SHANK2: variants seen among roughly 807,000 people sequenced by gnomAD.
The protein encoded by SHANK2 is SH3 and multiple ankyrin repeat domains protein 2.
In SHANK2, 43 loss-of-function variants were observed where a neutral mutation model predicts 133.7. That is an observed-to-expected ratio of 0.32 (90% CI 0.25 to 0.41). SHANK2 has a LOEUF of 0.41. Ranked by LOEUF, SHANK2 falls within the 10% of genes least tolerant of loss-of-function variation. The pLI is 1.00. For missense variants in SHANK2, 1,994 were observed against 2,235.8 expected, an observed-to-expected ratio of 0.89 and a Z score of 2.18; for synonymous variants, 1,017 against 952.8, an observed-to-expected ratio of 1.07 and a Z score of -1.24.
chr11:70,514,109 G>C (rs1213788806), intron 17 of SHANK2, among the ~76,000 whole-genome samples: 1 of 152,126 alleles, frequency 6.6e-6, no homozygotes, highest in Non-Finnish European at 1.5e-5. Context: ...GACAAGGTGA[G>C]AATCTTAAAG....
At chr11:70,690,722 C>T (rs1025506200) in intron 15 of SHANK2, among the ~76,000 whole-genome samples, 1 of 103,574 alleles carries the variant, frequency 9.7e-6, no homozygotes, top group Non-Finnish European at 2.2e-5. Flanking sequence ...TATAAATATA[C>T]CAAAGGGTCG....
chr11:70,818,031 G>A (rs1290175330), intron 12 of SHANK2, among the ~76,000 whole-genome samples: 1 of 152,172 alleles, frequency 6.6e-6, no homozygotes, highest in East Asian at 1.9e-4. Context: ...TACCGCACCT[G>A]GTCCCTTGTT....
chr11:70,490,434 C>G (rs782588738), intron 22 of SHANK2, 47 bp from the exon 23 acceptor site: 1 of 1,501,968 alleles, frequency 6.7e-7, no homozygotes, highest in African/African-American at 1.4e-5. Flanking sequence ...GGCCAGCCCC[C>G]ACCCACGGTC....
At chr11:71,207,484 T>G (rs1182605965) in intron 2 of SHANK2, among the ~76,000 whole-genome samples, 5 of 152,186 alleles carry the variant, frequency 3.3e-5, no homozygotes, top group African/African-American at 1.2e-4. Flanking sequence ...CCGGCCCATT[T>G]TAAATTTTAT....
At chr11:70,595,402 G>A (rs782756908) in intron 17 of SHANK2, among the ~76,000 whole-genome samples, 2 of 152,234 alleles carry the variant, frequency 1.3e-5, no homozygotes, top group Non-Finnish European at 2.9e-5. Context: ...TTTATAAAGC[G>A]ACTGAGGCTT....
At chr11:71,116,773 G>A (rs1951987315) in intron 4 of SHANK2, among the ~76,000 whole-genome samples, 1 of 152,154 alleles carries the variant, frequency 6.6e-6, no homozygotes, top group Non-Finnish European at 1.5e-5. Flanking sequence ...GAATGGCCTG[G>A]AGCCCTCCCC....
chr11:70,928,708 A>AG (rs1950462708), intron 10 of SHANK2, among the ~76,000 whole-genome samples: 1 of 152,084 alleles, frequency 6.6e-6, no homozygotes, highest in South Asian at 2.1e-4. Context: ...GGACCAAGGG[A>AG]GAAAAACTTG....
chr11:70,752,286 G>C (rs1240956675), intron 14 of SHANK2, among the ~76,000 whole-genome samples: 1 of 151,948 alleles, frequency 6.6e-6, no homozygotes, highest in East Asian at 1.9e-4. Flanking sequence ...ACAACATAGG[G>C]AGGTTAAAAA....
At chr11:71,122,408 A>G (rs1403342714) in intron 3 of SHANK2, among the ~76,000 whole-genome samples, 3 of 152,196 alleles carry the variant, frequency 2.0e-5, no homozygotes, top group Non-Finnish European at 4.4e-5. Context: ...AGAAAACCAA[A>G]CACTGCATGT....
intron 3 of SHANK2, among the ~76,000 whole-genome samples, chr11:71,131,981 C>A (rs1168183560): frequency 6.6e-6 from 1 of 152,154 alleles, no homozygotes; most frequent in Non-Finnish European, 1.5e-5. Context: ...TCCCCGAGGC[C>A]GAGCTAATGA....
chr11:71,211,733 T>G (rs1299981445), intron 2 of SHANK2, among the ~76,000 whole-genome samples: 2 of 151,970 alleles, frequency 1.3e-5, no homozygotes, highest in Non-Finnish European at 2.9e-5. Flanking sequence ...CAACCACTAA[T>G]TATTTTCTCT....
intron 17 of SHANK2, among the ~76,000 whole-genome samples, chr11:70,611,997 G>A (rs2060664456): frequency 1.3e-5 from 2 of 152,076 alleles, no homozygotes; most frequent in South Asian, 4.2e-4. Context: ...TGAACACTGG[G>A]AAGGCATCAC....
chr11:70,950,843 G>T (rs112176292), intron 10 of SHANK2, among the ~76,000 whole-genome samples: 9,576 of 151,652 alleles, frequency 0.063, 1,017 homozygotes, highest in African/African-American at 0.22. Context: ...TTTTGTTTTG[G>T]TTTTTTTGTA....
intron 23 of SHANK2, 142 bp from the exon 24 acceptor site, chr11:70,489,490 G>T: frequency 1.2e-6 from 1 of 807,160 alleles, no homozygotes; most frequent in Non-Finnish European, 2.2e-6. Flanking sequence ...ACTGCCTACA[G>T]TTATCCACCT....
At position 71,216,447 on chromosome 11, in the gene SHANK2, C is replaced by T. The variant is rs59173789; in HGVS notation, c.-13+8250G>A. Reference sequence around the variant, plus strand: ...TAGAGATGAAATGGAGATTTGTGGTCGCCAGGGCCGGAGGTGATTGGTTAG... The same window carrying T: ...TAGAGATGAAATGGAGATTTGTGGTTGCCAGGGCCGGAGGTGATTGGTTAG... On this transcript the variant is annotated intron_variant, in intron 2 of 25. Coordinates refer to ENST00000601538, the MANE Select transcript of SHANK2 (RefSeq NM_012309.5). Among the ~76,000 whole-genome samples, 1,514 of 152,074 alleles carry T rather than the reference C, an allele frequency of 1.0e-2. 27 individuals are homozygous for T. The highest frequency in any genetic ancestry group is 0.035 in the African/African-American group (1,447 of 41,452).
At chr11:70,525,303 C>T (rs1400484409) in intron 17 of SHANK2, among the ~76,000 whole-genome samples, 3 of 152,218 alleles carry the variant, frequency 2.0e-5, no homozygotes, top group Non-Finnish European at 2.9e-5. Flanking sequence ...AGCTAGGTCA[C>T]TTCTGTTAGC....
intron 14 of SHANK2, among the ~76,000 whole-genome samples, chr11:70,725,060 G>A (rs572631134): frequency 6.6e-6 from 1 of 152,166 alleles, no homozygotes; most frequent in Non-Finnish European, 1.5e-5. Context: ...ATTTTTTAAA[G>A]TATGTTTTAA....
At chr11:70,611,887 G>C (rs1190471957) in intron 17 of SHANK2, among the ~76,000 whole-genome samples, 2 of 150,042 alleles carry the variant, frequency 1.3e-5, no homozygotes, top group Non-Finnish European at 3.0e-5. Flanking sequence ...GCAGCACTCA[G>C]CAGTGTGAAA....
intron 17 of SHANK2, among the ~76,000 whole-genome samples, chr11:70,640,004 G>A (rs1018370211): frequency 4.6e-5 from 7 of 152,220 alleles, no homozygotes; most frequent in Admixed American, 1.3e-4. Flanking sequence ...GCTTTGCCCA[G>A]GCCGTCCAGG....
Sources: gnomAD v4.1 joint callset for allele counts (sites outside exome capture counted in the v4.1 genomes callset) on GRCh38, gnomAD v4.1.1 for gene constraint, MANE v1.5 for transcripts, NCBI Gene and HGNC (gene_info 2026-07-23, HGNC 2026-07-21) for gene names.